RPS6KC1: variants seen among roughly 807,000 people sequenced by gnomAD.
The protein encoded by RPS6KC1 is ribosomal protein S6 kinase C1.
A neutral mutation model predicts 103.8 loss-of-function variants in RPS6KC1; 54 were observed. That is an observed-to-expected ratio of 0.52 (90% CI 0.42 to 0.65). The LOEUF (loss-of-function observed/expected upper bound fraction) is 0.65. Among genes scored for constraint, RPS6KC1 ranks in the 30% least tolerant of loss-of-function variants. The pLI is 0.00. For synonymous variants in RPS6KC1, 439 were observed against 438.7 expected (o/e 1.00, Z -0.01); for missense variants, 1,151 against 1,253.8 (o/e 0.92, Z 1.24).
the RPS6KC1 span, among the ~76,000 whole-genome samples, chr1:213,335,589 T>C: frequency 6.6e-6 from 1 of 152,238 alleles, no homozygotes; most frequent in African/African-American, 2.4e-5. Context: ...TGTATGTGTG[T>C]GCCTCCACAG....
chr1:213,057,202 A>G (rs574859926), intron 1 of RPS6KC1, among the ~76,000 whole-genome samples: 1 of 151,994 alleles, frequency 6.6e-6, no homozygotes, highest in South Asian at 2.1e-4. Flanking sequence ...CAGCCTCCCA[A>G]AGTGCTGGGA....
chr1:213,565,408 T>A, the RPS6KC1 span, among the ~76,000 whole-genome samples: 1 of 152,214 alleles, frequency 6.6e-6, no homozygotes, highest in Non-Finnish European at 1.5e-5. Flanking sequence ...TATGCTCATA[T>A]AATGGAAAAG....
intron 1 of RPS6KC1, among the ~76,000 whole-genome samples, chr1:213,069,747 A>G (rs2078698383): frequency 6.6e-6 from 1 of 152,258 alleles, no homozygotes; most frequent in African/African-American, 2.4e-5. Context: ...TGGCTACTCC[A>G]TAGGCAGAAC....
At chr1:213,062,017 T>A (rs907268224) in intron 1 of RPS6KC1, among the ~76,000 whole-genome samples, 2 of 152,236 alleles carry the variant, frequency 1.3e-5, no homozygotes, top group Non-Finnish European at 2.9e-5. Flanking sequence ...ATGTTTAACT[T>A]CTTATCAATA....
At chr1:213,200,883 AC>A (rs2093137845) in intron 8 of RPS6KC1, among the ~76,000 whole-genome samples, 1 of 152,132 alleles carries the variant, frequency 6.6e-6, no homozygotes, top group Non-Finnish European at 1.5e-5. Context: ...GAGACCACAT[AC>A]CGCATGTTCC....
At chr1:213,753,833 G>A in the RPS6KC1 span, among the ~76,000 whole-genome samples, 48 of 152,216 alleles carry the variant, frequency 3.2e-4, no homozygotes, top group Non-Finnish European at 5.7e-4. Flanking sequence ...GAATTAATTC[G>A]CAATTGACAA....
intron 8 of RPS6KC1, among the ~76,000 whole-genome samples, chr1:213,200,729 A>G (rs908364311): frequency 3.9e-5 from 6 of 152,218 alleles, no homozygotes; most frequent in African/African-American, 1.2e-4. Context: ...TATGCATCCA[A>G]CGAAGGTCTA....
chr1:213,465,111 T>A, the RPS6KC1 span, among the ~76,000 whole-genome samples: 4 of 152,190 alleles, frequency 2.6e-5, no homozygotes, highest in Non-Finnish European at 4.4e-5. Flanking sequence ...GATTTATCTG[T>A]AGGATCATCC....
chr1:213,669,455 T>G, the RPS6KC1 span, among the ~76,000 whole-genome samples: 1 of 152,120 alleles, frequency 6.6e-6, no homozygotes, highest in Non-Finnish European at 1.5e-5. Flanking sequence ...CCCAAACCAA[T>G]TATAGTAATA....
the RPS6KC1 span, among the ~76,000 whole-genome samples, chr1:213,612,245 G>A: frequency 6.6e-6 from 1 of 152,248 alleles, no homozygotes; most frequent in African/African-American, 2.4e-5. Context: ...ACTCAGGCTT[G>A]AGAACCACTT....
chr1:213,272,602 A>C lies in RPS6KC1; in HGVS notation c.3169A>C (p.Thr1057Pro). 6.2e-7 allele frequency: 1 copy of C among 1,613,628 alleles called. No individual in the cohort carries two copies. Among genetic ancestry groups the C allele is most frequent in the Non-Finnish European group, 8.5e-7 (1 of 1,179,724 alleles). The stretch of plus-strand genomic sequence containing the variant: ...AGATATCAAATCTCATCCATTTTTT[A>C]CCCCTGTGGATTGGGCAGAACTGAT... The part of the protein sequence containing the change: ...VEDIKSHPFF[T>P]PVDWAELMR The change falls in exon 15 of 15, where the codon ACC becomes CCC. Residue 1057 changes from threonine (T) to proline (P), a missense_variant. Coordinates refer to ENST00000366960, the MANE Select transcript of RPS6KC1 (RefSeq NM_012424.6).
chr1:213,804,589 A>G, the RPS6KC1 span, among the ~76,000 whole-genome samples: 1 of 152,102 alleles, frequency 6.6e-6, no homozygotes, highest in African/African-American at 2.4e-5. Flanking sequence ...CCCAATTCTA[A>G]TATCTTTTCC....
chr1:213,381,574 A>G, the RPS6KC1 span, among the ~76,000 whole-genome samples: 3 of 152,080 alleles, frequency 2.0e-5, no homozygotes, highest in Non-Finnish European at 4.4e-5. Flanking sequence ...TACTGAAGGT[A>G]TCAGCTGGGT....
the RPS6KC1 span, among the ~76,000 whole-genome samples, chr1:213,573,661 G>C: frequency 6.6e-6 from 1 of 152,208 alleles, no homozygotes; most frequent in South Asian, 2.1e-4. Flanking sequence ...ACAAAACCCA[G>C]TTACTGGTTG....
the RPS6KC1 span, among the ~76,000 whole-genome samples, chr1:213,842,585 C>T: frequency 1.8e-4 from 28 of 152,208 alleles, no homozygotes; most frequent in Non-Finnish European, 3.1e-4. Context: ...CAATCCTCAC[C>T]AGCGTGATTC....
the RPS6KC1 span, among the ~76,000 whole-genome samples, chr1:213,495,981 C>A: frequency 1.3e-5 from 2 of 150,978 alleles, no homozygotes; most frequent in Non-Finnish European, 2.9e-5. Context: ...CATTAAAAAC[C>A]CTTCCTTGGG....
the RPS6KC1 span, among the ~76,000 whole-genome samples, chr1:213,835,192 C>T: frequency 6.6e-6 from 1 of 152,152 alleles, no homozygotes; most frequent in East Asian, 1.9e-4. Context: ...AGCCAACAGC[C>T]AGAGGCAGGA....
the RPS6KC1 span, among the ~76,000 whole-genome samples, chr1:213,351,605 A>G: frequency 3.9e-5 from 6 of 152,186 alleles, no homozygotes; most frequent in Non-Finnish European, 8.8e-5. Flanking sequence ...TGCTATAGTC[A>G]TGACACGTGG....
the RPS6KC1 span, among the ~76,000 whole-genome samples, chr1:213,766,941 GT>G: frequency 6.6e-6 from 1 of 151,988 alleles, no homozygotes; most frequent in African/African-American, 2.4e-5. Flanking sequence ...CAGAACCCCG[GT>G]TTTTATATTT....
Sources: allele counts gnomAD v4.1 joint callset (sites outside exome capture counted in the v4.1 genomes callset), GRCh38; gene constraint gnomAD v4.1.1; transcripts MANE v1.5; gene names NCBI Gene and HGNC (gene_info 2026-07-23, HGNC 2026-07-21).